Variants in AGPAT5 observed in about 807,000 individuals in gnomAD.
AGPAT5 encodes the protein 1-acylglycerol-3-phosphate O-acyltransferase 5.
A neutral mutation model predicts 45.6 loss-of-function variants in AGPAT5; 46 were observed. That is an observed-to-expected ratio of 1.01 (90% CI 0.80 to 1.29). The LOEUF (loss-of-function observed/expected upper bound fraction) is 1.29, where lower values mean the gene tolerates loss of function less well. Ranked by LOEUF, AGPAT5 falls within the 50% of genes most tolerant of loss-of-function variation. AGPAT5 has a pLI of 0.00. For synonymous variants in AGPAT5, 272 were observed against 167.0 expected (o/e 1.63, Z -4.85); for missense variants, 673 against 450.7 (o/e 1.49, Z -4.47).
Position 6,708,681 on chromosome 8 carries a change from C to G in AGPAT5, c.13C>G (p.Leu5Val). The part of the protein sequence containing the change: MLLS[L>V]VLHTYSMRYL... ...CCGAGCTGAGAAGATGCTGCTGTCCCTGGTGCTCCACACGTACTCCATGCG... is the reference window on the plus strand; with the variant it reads ...CCGAGCTGAGAAGATGCTGCTGTCCGTGGTGCTCCACACGTACTCCATGCG... Residue 5 changes from leucine to valine, a missense_variant, in exon 1 of 8, where the codon CTG becomes GTG. Physicochemically the swap from Leu to Val is conservative, Grantham distance 32 (BLOSUM62 1). Transcript: ENST00000285518. 6.3e-7 allele frequency: 1 copy of G among 1,598,808 alleles called. No individual in the cohort carries two copies. Among genetic ancestry groups the G allele is most frequent in the Non-Finnish European group, 8.5e-7 (1 of 1,177,932 alleles).
At chr8:6,712,971 A>T (rs1800201212) in intron 1 of AGPAT5, among the ~76,000 whole-genome samples, 3 of 152,196 alleles carry the variant, frequency 2.0e-5, no homozygotes, top group Non-Finnish European at 4.4e-5. Context: ...TAGGCCAAAA[A>T]ATTAATCAAC....
intron 4 of AGPAT5, among the ~76,000 whole-genome samples, chr8:6,736,045 G>C (rs369136985): frequency 4.6e-5 from 7 of 151,844 alleles, no homozygotes; most frequent in African/African-American, 1.2e-4. Flanking sequence ...GTAGAGACAG[G>C]GTTTCACCAT....
Position 6,755,135 on chromosome 8 carries a change from T to A in AGPAT5, c.830T>A (p.Met277Lys), listed in dbSNP as rs1451343223. 2.5e-6 allele frequency: 4 copies of A among 1,608,696 alleles called. No homozygotes were observed. Among genetic ancestry groups the A allele is most frequent in the Non-Finnish European group, 3.4e-6 (4 of 1,179,052 alleles). ...KKDVPEEQEH[M>K]RRWLHERFEI... ...GATGTCCCAGAAGAACAAGAACATA[T>A]GAGAAGATGGCTGCATGAACGTTTC... is the stretch of plus-strand genomic sequence containing the variant. Residue 277 changes from methionine to lysine, a missense_variant, in exon 7 of 8, where the codon ATG (methionine) becomes AAG (lysine). Transcript: ENST00000285518.
intron 6 of AGPAT5, among the ~76,000 whole-genome samples, chr8:6,751,714 T>A (rs1270841677): frequency 3.4e-5 from 5 of 145,560 alleles, no homozygotes; most frequent in Non-Finnish European, 7.6e-5. Context: ...TACTATTGAT[T>A]TTTTTTTAAT....
In AGPAT5 at chr8:6,758,682, G is replaced by T. The variant is rs766529343; in HGVS notation, c.*1294G>T. On this transcript the variant is annotated 3_prime_UTR_variant, in exon 8 of 8. Transcript: ENST00000285518. ...GTGGAGCTACACATTAATATGTATC[G>T]CCTTAGAGCAAGAGCTGTGTTCCAG... 6.6e-6 allele frequency: 1 copy of T among 152,558 alleles called. No individual in the cohort carries two copies. The highest frequency in any genetic ancestry group is 1.5e-5 in the Non-Finnish European group (1 of 68,034). The allele number at this position is 152,558 out of a possible 1,614,324, so 9.5% of individuals were successfully genotyped here. A position where few individuals can be genotyped will look rare whatever the true frequency, so the allele number is the denominator to read the frequency against.
At chr8:6,725,910 G>C (rs13248561) in intron 2 of AGPAT5, among the ~76,000 whole-genome samples, 20,236 of 151,880 alleles carry the variant, frequency 0.13, 1,608 homozygotes, top group East Asian at 0.24. Context: ...ATGATTTTGT[G>C]GTTTTTATTA....
At chr8:6,730,667 G>C in intron 2 of AGPAT5, 44 bp from the exon 3 acceptor site, 1 of 1,341,810 alleles carries the variant, frequency 7.5e-7, no homozygotes, top group Non-Finnish European at 1.1e-6. Context: ...AGTACAACCT[G>C]TGAAGAGCCT....
chr8:6,729,327 G>A (rs1800787441), intron 2 of AGPAT5, among the ~76,000 whole-genome samples: 1 of 140,754 alleles, frequency 7.1e-6, no homozygotes, highest in Non-Finnish European at 1.5e-5. Context: ...TAAATCCTCA[G>A]CTTTTATTTT....
Position 6,758,983 on chromosome 8 carries a change from A to G in AGPAT5, c.*1595A>G, listed in dbSNP as rs535752497. 3.8e-4 allele frequency: 58 copies of G among 152,628 alleles called. No homozygotes were observed. The highest frequency in any genetic ancestry group is 1.4e-3 in the African/African-American group (57 of 41,572). 9.5% of individuals were successfully genotyped at this position (152,628 alleles called of 1,614,324 possible). ...TTACACTGCTTCTCCCATGCCAGAGAATAAACTCTTTCAAGCATCATCTTT... is the reference window on the plus strand; with the variant it reads ...TTACACTGCTTCTCCCATGCCAGAGGATAAACTCTTTCAAGCATCATCTTT... On this transcript the variant is annotated 3_prime_UTR_variant, in exon 8 of 8. Coordinates refer to ENST00000285518, the MANE Select transcript of AGPAT5 (RefSeq NM_018361.5).
In AGPAT5 at chr8:6,741,612, A is replaced by G. The variant is rs1197475207; in HGVS notation, c.496-49A>G. 9 of 1,366,960 alleles carry G rather than the reference A, an allele frequency of 6.6e-6. No individual in the cohort carries two copies. In the East Asian group the frequency reaches 9.5e-5, roughly 15 times the overall value. 84.7% of individuals were successfully genotyped at this position (1,366,960 alleles called of 1,614,324 possible). On this transcript the variant is annotated intron_variant, in intron 4 of 7. Transcript: ENST00000285518. ...TTAGCTTTTTTAGGTTAACAATAAC[A>G]AAAACAAAGCTCACACAAAATAAAC...
At chr8:6,712,916 C>A (rs1344077000) in intron 1 of AGPAT5, among the ~76,000 whole-genome samples, 1 of 152,072 alleles carries the variant, frequency 6.6e-6, no homozygotes, top group African/African-American at 2.4e-5. Flanking sequence ...AATTTCTTTT[C>A]CCCCATTCCT....
At chr8:6,739,652 A>G (rs1041587225) in intron 4 of AGPAT5, among the ~76,000 whole-genome samples, 16 of 152,120 alleles carry the variant, frequency 1.1e-4, no homozygotes, top group African/African-American at 3.6e-4. Context: ...AACTTACAAA[A>G]TATATTCCTT....
rs565388168 is a variant in AGPAT5, at chr8:6,713,561, C to CT, written c.219+4682dup. Among the ~76,000 whole-genome samples, 139 of 152,094 alleles carry CT rather than the reference C, an allele frequency of 9.1e-4. 2 individuals carry two copies. The South Asian group carries it at 0.028, about 31-fold the overall frequency. The stretch of plus-strand genomic sequence containing the variant: ...CCCTTAACTTCTCCAAGGATTCATA[C>CT]TTTTTTTTGTAAGACAGAATCTCAC... On this transcript the variant is annotated intron_variant, in intron 1 of 7. Transcript: ENST00000285518.
intron 1 of AGPAT5, among the ~76,000 whole-genome samples, chr8:6,714,247 C>T (rs906300829): frequency 7.2e-5 from 11 of 152,184 alleles, no homozygotes; most frequent in African/African-American, 2.4e-4. Flanking sequence ...AAATTGCTTC[C>T]TTCACTTTAG....
chr8:6,709,320 G>C (rs1179067754), intron 1 of AGPAT5, among the ~76,000 whole-genome samples: 1 of 152,216 alleles, frequency 6.6e-6, no homozygotes, highest in African/African-American at 2.4e-5. Context: ...ATTCGGTCTT[G>C]TGTTCTTTCC....
rs1587075333 is a variant in AGPAT5, at chr8:6,757,514, A to G, written c.*126A>G. ...TAAAGCCTTGTTGATTGAAGATTGG[A>G]TAATAGAATTTGTGACGAAAGCTGA... On this transcript the variant is annotated 3_prime_UTR_variant, in exon 8 of 8. Transcript: ENST00000285518. 1 of 752,364 alleles carries G rather than the reference A, an allele frequency of 1.3e-6. No homozygotes were observed. The highest frequency in any genetic ancestry group is 2.7e-5 in the East Asian group (1 of 37,690). The allele number at this position is 752,364 out of a possible 1,614,324, so 46.6% of individuals were successfully genotyped here. A position where few individuals can be genotyped will look rare whatever the true frequency, so the allele number is the denominator to read the frequency against.
chr8:6,724,446 A>C (rs902593551), intron 1 of AGPAT5, among the ~76,000 whole-genome samples: 5 of 152,236 alleles, frequency 3.3e-5, no homozygotes, highest in Non-Finnish European at 4.4e-5. Flanking sequence ...TGAAAAAAGA[A>C]AAAACAAATT....
chr8:6,740,279 A>T (rs375641437), intron 4 of AGPAT5, among the ~76,000 whole-genome samples: 1 of 151,990 alleles, frequency 6.6e-6, no homozygotes, highest in Non-Finnish European at 1.5e-5. Flanking sequence ...TATAAACCTT[A>T]CTGTTACAAA....
chr8:6,732,468 T>C, intron 3 of AGPAT5, 93 bp from the exon 4 acceptor site: 1 of 836,582 alleles, frequency 1.2e-6, no homozygotes, highest in East Asian at 2.9e-5. Flanking sequence ...GTTTTCATTC[T>C]GTACTTTTTG....
Sources: allele counts gnomAD v4.1 joint callset (sites outside exome capture counted in the v4.1 genomes callset), GRCh38; gene constraint gnomAD v4.1.1; transcripts MANE v1.5; gene names NCBI Gene and HGNC (gene_info 2026-07-23, HGNC 2026-07-21).